NPTN: variants seen among roughly 807,000 people sequenced by gnomAD.
NPTN encodes the protein neuroplastin, also known as SDR-1.
Under a neutral mutation model 42.7 loss-of-function variants are expected in NPTN, and 5 were observed. That is an observed-to-expected ratio of 0.12 (90% CI 0.06 to 0.25). NPTN has a LOEUF of 0.25. Among genes scored for constraint, NPTN ranks in the 10% least tolerant of loss-of-function variants. The pLI is 1.00. For synonymous variants in NPTN, 180 were observed against 201.9 expected, an observed-to-expected ratio of 0.89 and a Z score of 0.92; for missense variants, 307 against 525.4, an observed-to-expected ratio of 0.58 and a Z score of 4.06.
intron 1 of NPTN, among the ~76,000 whole-genome samples, chr15:73,621,289 TAAC>T (rs1352171521): frequency 6.6e-6 from 1 of 152,202 alleles, no homozygotes; most frequent in Non-Finnish European, 1.5e-5. Flanking sequence ...ACTGGCCTAT[TAAC>T]AACCATCTAA....
intron 2 of NPTN, among the ~76,000 whole-genome samples, chr15:73,594,727 C>T (rs779087636): frequency 9.9e-5 from 15 of 152,146 alleles, no homozygotes; most frequent in Non-Finnish European, 1.8e-4. Flanking sequence ...GGATAGGAGA[C>T]CCTTACCCCA....
At chr15:73,608,992 T>C (rs1019386398) in intron 1 of NPTN, among the ~76,000 whole-genome samples, 2 of 152,120 alleles carry the variant, frequency 1.3e-5, no homozygotes, top group Non-Finnish European at 2.9e-5. Context: ...TTGGGAATCA[T>C]CAGCTTATGG....
At chr15:73,579,381 T>G (rs1158895935) in intron 4 of NPTN, among the ~76,000 whole-genome samples, 1 of 152,136 alleles carries the variant, frequency 6.6e-6, no homozygotes, top group African/African-American at 2.4e-5. Context: ...ATTTCAGGTA[T>G]CAGCTTATAT....
At chr15:73,620,279 TCTC>T (rs768919151) in intron 1 of NPTN, among the ~76,000 whole-genome samples, 151 of 152,364 alleles carry the variant, frequency 9.9e-4, no homozygotes, top group Admixed American at 2.9e-3. Flanking sequence ...CAACAGCTGT[TCTC>T]CTTGCCTTTC....
At chr15:73,616,692 A>C (rs1010468083) in intron 1 of NPTN, among the ~76,000 whole-genome samples, 1 of 152,194 alleles carries the variant, frequency 6.6e-6, no homozygotes, top group African/African-American at 2.4e-5. Flanking sequence ...TACATGATTA[A>C]GTAGAATTTT....
intron 1 of NPTN, among the ~76,000 whole-genome samples, chr15:73,630,621 T>C (rs1263775017): frequency 6.6e-6 from 1 of 152,228 alleles, no homozygotes; most frequent in African/African-American, 2.4e-5. Context: ...ATGAAACAAA[T>C]GCCTTTTGAA....
At chr15:73,598,825 G>A (rs1896946862) in intron 1 of NPTN, among the ~76,000 whole-genome samples, 1 of 152,138 alleles carries the variant, frequency 6.6e-6, no homozygotes, top group Non-Finnish European at 1.5e-5. Flanking sequence ...ATGTTAACAG[G>A]GCTAGCTGAA....
At chr15:73,578,717 G>C (rs1327778963) in intron 4 of NPTN, among the ~76,000 whole-genome samples, 1 of 152,174 alleles carries the variant, frequency 6.6e-6, no homozygotes, top group Non-Finnish European at 1.5e-5. Flanking sequence ...TGGCTGGCTA[G>C]GTGCAGTGGC....
At chr15:73,612,328 AG>A (rs1213929055) in intron 1 of NPTN, among the ~76,000 whole-genome samples, 1 of 151,514 alleles carries the variant, frequency 6.6e-6, no homozygotes, top group Non-Finnish European at 1.5e-5. Context: ...GCTAAGGTGG[AG>A]GAACACCTGG....
rs192018041 is a variant in NPTN, at chr15:73,632,689, T to C, written c.91+436A>G. The C allele has an allele frequency of 8.0e-5, 13 of 163,400 alleles. No homozygotes were observed. The East Asian group carries it at 2.1e-3, about 27-fold the overall frequency. 10.1% of individuals were successfully genotyped at this position (163,400 alleles called of 1,614,324 possible). A position where few individuals can be genotyped will look rare whatever the true frequency, so the allele number is the denominator to read the frequency against. ...GTCCTACGGGGCCTCAGTAGAATCC[T>C]GGACGACCCCAGCTCCCGGGGGGCC... is the stretch of plus-strand genomic sequence containing the variant. On this transcript the variant is annotated intron_variant, in intron 1 of 8. Coordinates refer to ENST00000345330, the MANE Select transcript of NPTN (RefSeq NM_012428.4).
intron 1 of NPTN, among the ~76,000 whole-genome samples, chr15:73,613,878 GT>G (rs1897723541): frequency 6.6e-6 from 1 of 151,900 alleles, no homozygotes; most frequent in African/African-American, 2.4e-5. Context: ...TAGAGACAGG[GT>G]TTCACCATGT....
At chr15:73,607,262 A>T (rs1026162562) in intron 1 of NPTN, among the ~76,000 whole-genome samples, 2 of 152,320 alleles carry the variant, frequency 1.3e-5, no homozygotes, top group African/African-American at 4.8e-5. Flanking sequence ...CATTCTCAAA[A>T]GCCATAGGTA....
chr15:73,631,509 C>A (rs77965355), intron 1 of NPTN, among the ~76,000 whole-genome samples: 1,753 of 152,288 alleles, frequency 0.012, 46 homozygotes, highest in African/African-American at 0.04. Flanking sequence ...TGGATATTGT[C>A]AATCCTTTAT....
In NPTN at chr15:73,633,171, C is replaced by A. The variant is rs1898858790; in HGVS notation, c.45G>T (p.Leu15Phe). The change falls in exon 1 of 9, where the codon TTG becomes TTT. Residue 15 changes from leucine (L) to phenylalanine (F), a missense_variant. Transcript: ENST00000345330. ...SLPSALALSL[L>F]LVSGSLLPGP... ...CTGGGAGGAGGGAGCCAGAGACCAG[C>A]AACAGCGAGAGGGCCAGGGCGCTGG... is the stretch of plus-strand genomic sequence containing the variant. The A allele has an allele frequency of 3.3e-6, 5 of 1,519,428 alleles. No individual in the cohort carries two copies. The highest frequency in any genetic ancestry group is 4.4e-6 in the Non-Finnish European group (5 of 1,140,420). 94.1% of individuals were successfully genotyped at this position (1,519,428 alleles called of 1,614,324 possible).
In NPTN at chr15:73,633,150, G is replaced by A; in HGVS notation, c.66C>T (p.Leu22=). ...CGTTCTGAGCGGCGCCTGGCCCTGG[G>A]AGGAGGGAGCCAGAGACCAGCAACA... ...LSLLLVSGSL[L]PGPGAAQNAG... is the part of the protein sequence containing the mutation. Residue 22 remains leucine, a synonymous_variant, in exon 1 of 9, where the codon CTC becomes CTT. Coordinates refer to ENST00000345330, the MANE Select transcript of NPTN (RefSeq NM_012428.4). 3 of 1,505,730 alleles carry A rather than the reference G, an allele frequency of 2.0e-6. No homozygotes were observed. Among genetic ancestry groups the A allele is most frequent in the African/African-American group, 1.5e-5 (1 of 68,258 alleles). 93.3% of individuals were successfully genotyped at this position (1,505,730 alleles called of 1,614,324 possible).
chr15:73,587,423 G>A (rs117374072), intron 4 of NPTN, 101 bp downstream of exon 4: 17 of 824,206 alleles, frequency 2.1e-5, no homozygotes, highest in South Asian at 9.1e-5. Flanking sequence ...ATTGTGTCTC[G>A]ACATGGAAAG....
At chr15:73,612,931 A>T (rs951791398) in intron 1 of NPTN, among the ~76,000 whole-genome samples, 2 of 152,184 alleles carry the variant, frequency 1.3e-5, no homozygotes, top group African/African-American at 4.8e-5. Flanking sequence ...AGGAGAATAA[A>T]TTACACTTAT....
chr15:73,630,352 G>T (rs1898672140), intron 1 of NPTN, among the ~76,000 whole-genome samples: 1 of 152,170 alleles, frequency 6.6e-6, no homozygotes, highest in Non-Finnish European at 1.5e-5. Context: ...TCACTCAATT[G>T]CAGTCTAATG....
chr15:73,590,686 C>T (rs1212453262), intron 3 of NPTN, among the ~76,000 whole-genome samples: 2 of 151,934 alleles, frequency 1.3e-5, no homozygotes, highest in African/African-American at 4.8e-5. Flanking sequence ...GGCTTGAGCC[C>T]GGGAGGCAGA....
Sources: gnomAD v4.1 joint callset for allele counts (sites outside exome capture counted in the v4.1 genomes callset) on GRCh38, gnomAD v4.1.1 for gene constraint, MANE v1.5 for transcripts, NCBI Gene and HGNC (gene_info 2026-07-23, HGNC 2026-07-21) for gene names.